Variants in CDK11A observed in about 807,000 individuals in gnomAD.
CDK11A encodes the protein cyclin-dependent kinase 11A.
In CDK11A, 55 loss-of-function variants were observed where a neutral mutation model predicts 83.6. The ratio of observed to expected loss-of-function variants is 0.66; its 90% CI spans 0.53 to 0.82. CDK11A has a LOEUF of 0.82. Ranked by LOEUF, CDK11A falls within the 40% of genes least tolerant of loss-of-function variation. The pLI is 0.00. For missense variants in CDK11A, 564 were observed against 810.1 expected, an observed-to-expected ratio of 0.70 and a Z score of 3.69; for synonymous variants, 247 against 302.7, an observed-to-expected ratio of 0.82 and a Z score of 1.91.
chr1:1,702,554 A>AG lies in CDK11A; in HGVS notation c.*352_*353insC, dbSNP rs1644126739. Among the ~76,000 whole-genome samples, 4 of 107,646 alleles carry AG rather than the reference A, an allele frequency of 3.7e-5. No homozygotes were observed. Among genetic ancestry groups the AG allele is most frequent in the Non-Finnish European group, 8.2e-5 (4 of 48,626 alleles). The allele number at this position is 107,646 out of a possible 152,430, so 70.6% of individuals were successfully genotyped here. A position where few individuals can be genotyped will look rare whatever the true frequency, so the allele number is the denominator to read the frequency against. Reference sequence around the variant, plus strand: ...AGGGCATCGCTCATCCCAACACAGAAACAGGTCTCCAGCTCCGAAGATTAA... The same window carrying AG: ...AGGGCATCGCTCATCCCAACACAGAAGACAGGTCTCCAGCTCCGAAGATTAA... On this transcript the variant is annotated 3_prime_UTR_variant, in exon 20 of 20. Transcript: ENST00000404249.
At position 1,716,552 on chromosome 1, in the gene CDK11A, G is replaced by T; in HGVS notation, c.356-74C>A. 2.0e-6 allele frequency: 3 copies of T among 1,486,554 alleles called. No individual in the cohort carries two copies. The African/African-American group carries it at 4.1e-5, about 21-fold the overall frequency. The allele number at this position is 1,486,554 out of a possible 1,614,324, so 92.1% of individuals were successfully genotyped here. ...CACGAGGCCGGGCACGGTGGCTTAC[G>T]CCTGTAATCCCAGCACTTTGGGAGG... On this transcript the variant is annotated intron_variant, in intron 4 of 19. Transcript: ENST00000404249.
rs561568416 is a variant in CDK11A at position 1,722,200 on chromosome 1, A to G, written c.112-489T>C. On this transcript the variant is annotated intron_variant, in intron 2 of 19. Coordinates refer to ENST00000404249, the MANE Select transcript of CDK11A (RefSeq NM_024011.4). ...AAACCTTTAATTTGGAAAAATTTCA[A>G]TATCTGTGAAGCATAATAAAGTGAA... 2.9e-3 allele frequency among the ~76,000 whole-genome samples: 439 copies of G among 151,394 alleles called. 16 individuals are homozygous for G. The highest frequency in any genetic ancestry group is 3.7e-3 in the Non-Finnish European group (250 of 67,774).
In CDK11A at chr1:1,718,075, GAC is replaced by G. The variant is rs1159635774; in HGVS notation, c.355+1251_355+1252del. ...TCTATAGCCCTTCTGAATGGTCTGT[GAC>G]ACACGCACGCTTTCAGCTAGAGTTT... On this transcript the variant is annotated intron_variant, in intron 4 of 19. Transcript: ENST00000404249. Among the ~76,000 whole-genome samples the G allele has an allele frequency of 5.0e-4, 71 of 142,750 alleles. 1 individual carries two copies. The highest frequency in any genetic ancestry group is 1.8e-3 in the African/African-American group (68 of 38,188). 93.6% of individuals were successfully genotyped at this position (142,750 alleles called of 152,430 possible).
rs1004969287 is a variant in CDK11A at position 1,717,060 on chromosome 1, A to G, written c.356-582T>C. The stretch of plus-strand genomic sequence containing the variant: ...CCTGGGCCACTGCACCCAGTCGAAT[A>G]ATCATGATTTTATGTTAAATAAAAA... On this transcript the variant is annotated intron_variant, in intron 4 of 19. Transcript: ENST00000404249. Among the ~76,000 whole-genome samples the G allele has an allele frequency of 5.2e-4, 24 of 46,480 alleles. No homozygotes were observed. In the Admixed American group the frequency reaches 7.5e-3, roughly 15 times the overall value. 30.5% of individuals were successfully genotyped at this position (46,480 alleles called of 152,430 possible).
rs577677291 is a variant in CDK11A, at chr1:1,713,880, T to G, written c.489-1480A>C. 7.3e-3 allele frequency among the ~76,000 whole-genome samples: 315 copies of G among 42,988 alleles called. 83 individuals are homozygous for G. Among genetic ancestry groups the G allele is most frequent in the African/African-American group, 0.012 (304 of 25,688 alleles). 28.2% of individuals were successfully genotyped at this position (42,988 alleles called of 152,430 possible). A position where few individuals can be genotyped will look rare whatever the true frequency, so the allele number is the denominator to read the frequency against. ...TCGCCAACAATGAATCCCACCAGTC[T>G]CTGCTTCTCAGGGAATGTCGTTCGT... On this transcript the variant is annotated intron_variant, in intron 5 of 19. Coordinates refer to ENST00000404249, the MANE Select transcript of CDK11A (RefSeq NM_024011.4).
At chr1:1,711,463 G>A (rs1158425460) in intron 6 of CDK11A, among the ~76,000 whole-genome samples, 3 of 6,670 alleles carry the variant, frequency 4.5e-4, no homozygotes, top group African/African-American at 7.0e-4. Flanking sequence ...TACGCCTGTA[G>A]GTCCCAGCTA....
chr1:1,705,143 G>A lies in CDK11A; in HGVS notation c.1337-118C>T. On this transcript the variant is annotated intron_variant, in intron 12 of 19. Coordinates refer to ENST00000404249, the MANE Select transcript of CDK11A (RefSeq NM_024011.4). ...AAGCGCCAGCATTTCACGGAGGGGG[G>A]TCTCGTTCTAGGTGGGGGCACGTGG... 1.0e-5 allele frequency: 14 copies of A among 1,400,448 alleles called. 1 individual carries two copies. Among genetic ancestry groups the A allele is most frequent in the Non-Finnish European group, 1.3e-5 (14 of 1,060,434 alleles). The allele number at this position is 1,400,448 out of a possible 1,614,324, so 86.8% of individuals were successfully genotyped here.
rs879157131 is a variant in CDK11A at position 1,703,895 on chromosome 1, C to G, written c.1840G>C (p.Gly614Arg). 8 of 1,609,738 alleles carry G rather than the reference C, an allele frequency of 5.0e-6. No individual in the cohort carries two copies. The highest frequency in any genetic ancestry group is 1.7e-5 in the Admixed American group (1 of 59,820). Residue 614 changes from glycine (G) to arginine (R), a missense_variant, in exon 17 of 20, where the codon GGG becomes CGG. Coordinates refer to ENST00000404249, the MANE Select transcript of CDK11A (RefSeq NM_024011.4). ...AGAGGCTTCTGAGTCAGCAGCTCCC[C>G]GAAGATGCAGCCCACTGACCACATG... is the stretch of plus-strand genomic sequence containing the variant. ...VDMWSVGCIF[G>R]ELLTQKPLFP...
chr1:1,721,531 T>G (rs1278261441), intron 3 of CDK11A, 65 bp downstream of exon 3: 3 of 1,545,092 alleles, frequency 1.9e-6, no homozygotes, highest in Admixed American at 3.5e-5. Flanking sequence ...ACAGTGACCC[T>G]AGGAAGGACT....
intron 5 of CDK11A, among the ~76,000 whole-genome samples, chr1:1,714,297 A>G (rs1236168355): frequency 1.0e-3 from 43 of 41,254 alleles, no homozygotes; most frequent in African/African-American, 1.8e-3. Flanking sequence ...GGCTCTGTGC[A>G]TTTTTCTTGT....
chr1:1,721,823 A>G, intron 2 of CDK11A, 112 bp from the exon 3 acceptor site: 2 of 1,383,656 alleles, frequency 1.4e-6, no homozygotes, highest in South Asian at 2.8e-5. Flanking sequence ...ACAAACTTTC[A>G]CATGTACTCT....
chr1:1,703,863 G>A lies in CDK11A; in HGVS notation c.1872C>T (p.Pro624=), dbSNP rs543859728. Residue 624 remains proline (P), a synonymous_variant, in exon 17 of 20, where the codon CCC becomes CCT. Transcript: ENST00000404249. ...GELLTQKPLF[P]GNSEIDQINK... ...TGATCTGATCGATTTCCGAATTCCC[G>A]GGGAACAGAGGCTTCTGAGTCAGCA... 2.8e-5 allele frequency: 45 copies of A among 1,609,716 alleles called. 5 individuals are homozygous for A. In the Admixed American group the frequency reaches 3.5e-4, roughly 13 times the overall value.
chr1:1,716,900 G>GATGTTA (rs111515312), intron 4 of CDK11A, among the ~76,000 whole-genome samples: 116,780 of 117,374 alleles, frequency 0.99, 58,117 homozygotes, highest in Middle Eastern at 1. Flanking sequence ...TTTAAATAAT[G>GATGTTA]ATGTTAAGTA....
chr1:1,723,511 A>C (rs1229450438), intron 1 of CDK11A, among the ~76,000 whole-genome samples: 3 of 68,152 alleles, frequency 4.4e-5, no homozygotes, highest in African/African-American at 1.0e-4. Context: ...AAAAAAAAAA[A>C]AAAAAAAAAA....
intron 2 of CDK11A, among the ~76,000 whole-genome samples, chr1:1,722,206 G>A (rs1644931286): frequency 6.6e-6 from 1 of 151,200 alleles, no homozygotes; most frequent in Admixed American, 6.6e-5. Flanking sequence ...TTCAATATCT[G>A]TGAAGCATAA....
At chr1:1,720,996 G>A (rs1384742534) in intron 3 of CDK11A, among the ~76,000 whole-genome samples, 1 of 150,640 alleles carries the variant, frequency 6.6e-6, no homozygotes, top group Admixed American at 6.7e-5. Flanking sequence ...TTGGGAGGCC[G>A]AGGTGGACGG....
intron 11 of CDK11A, 59 bp from the exon 12 acceptor site, chr1:1,705,791 C>T (rs1227679339): frequency 5.8e-6 from 3 of 520,214 alleles, no homozygotes; most frequent in Non-Finnish European, 9.9e-6. Flanking sequence ...GGGAGGGCGG[C>T]TGCGTCCACA....
Position 1,703,276 on chromosome 1 carries a change from G to C in CDK11A, c.2061-7C>G, listed in dbSNP as rs1398777252. The C allele has an allele frequency of 2.0e-6, 1 of 491,552 alleles. No homozygotes were observed. Among genetic ancestry groups the C allele is most frequent in the Non-Finnish European group, 3.3e-6 (1 of 304,386 alleles). 30.4% of individuals were successfully genotyped at this position (491,552 alleles called of 1,614,324 possible). On this transcript the variant is annotated splice_polypyrimidine_tract_variant and splice_region_variant and intron_variant, in intron 18 of 19. Transcript: ENST00000404249. ...GGGGAAGTAGGTCAGGAACCTGGGG[G>C]GAGAGGGCCAGAGGCCCAGGAGGTG...
chr1:1,704,160 T>C lies in CDK11A; in HGVS notation c.1687-14A>G. On this transcript the variant is annotated splice_polypyrimidine_tract_variant and intron_variant, in intron 15 of 19. Transcript: ENST00000404249. ...AAAATCACCCACCTGCAACGACAGA[T>C]GGGCGGCTGTGGGTGGGCCTGGGCG... 6.2e-7 allele frequency: 1 copy of C among 1,606,186 alleles called. No individual in the cohort carries two copies. Among genetic ancestry groups the C allele is most frequent in the African/African-American group, 1.3e-5 (1 of 74,442 alleles).
Sources: allele counts gnomAD v4.1 joint callset (sites outside exome capture counted in the v4.1 genomes callset), GRCh38; gene constraint gnomAD v4.1.1; transcripts MANE v1.5; gene names NCBI Gene and HGNC (gene_info 2026-07-23, HGNC 2026-07-21).